GRM7: variants seen among roughly 807,000 people sequenced by gnomAD.
GRM7 encodes metabotropic glutamate receptor 7.
Under a neutral mutation model 84.5 loss-of-function variants are expected in GRM7, and 35 were observed. The ratio of observed to expected loss-of-function variants is 0.41; its 90% CI spans 0.32 to 0.55. The LOEUF is 0.55. GRM7 is among the 20% of genes least tolerant of loss of function. The pLI, the probability that GRM7 is intolerant of heterozygous loss-of-function variation, is 0.19. For missense variants in GRM7, 1,003 were observed against 1,194.6 expected (o/e 0.84, Z 2.36); for synonymous variants, 487 against 455.1 (o/e 1.07, Z -0.89).
chr3:7,269,425 A>G (rs1235787205), intron 2 of GRM7, among the ~76,000 whole-genome samples: 1 of 120,814 alleles, frequency 8.3e-6, no homozygotes, highest in African/African-American at 3.2e-5. Flanking sequence ...GGAGAGGTTT[A>G]AAATATTCTG....
At position 7,325,651 on chromosome 3, in the gene GRM7, A is replaced by G. The variant is rs568749374; in HGVS notation, c.1033+18999A>G. On this transcript the variant is annotated intron_variant, in intron 4 of 9. Transcript: ENST00000357716. ...GAGTACCAAACTGTCCAGCACAACC[A>G]GTGCCACATAAATCTAAATGGTGTT... 5.1e-4 allele frequency among the ~76,000 whole-genome samples: 78 copies of G among 152,336 alleles called. 2 individuals carry two copies. The South Asian group carries it at 0.015, about 30-fold the overall frequency.
intron 1 of GRM7, among the ~76,000 whole-genome samples, chr3:6,986,605 TC>T (rs1187816085): frequency 6.6e-6 from 1 of 152,218 alleles, no homozygotes; most frequent in Admixed American, 6.5e-5. Context: ...GTGATGATTT[TC>T]TAAGCTCTCT....
intron 7 of GRM7, among the ~76,000 whole-genome samples, chr3:7,478,140 A>AT (rs1164062132): frequency 6.6e-6 from 1 of 151,800 alleles, no homozygotes; most frequent in African/African-American, 2.4e-5. Context: ...CCTTATAGGG[A>AT]TTTTTCTTTC....
At chr3:7,685,809 A>G (rs1381781593) in intron 9 of GRM7, among the ~76,000 whole-genome samples, 1 of 151,998 alleles carries the variant, frequency 6.6e-6, no homozygotes, top group Admixed American at 6.6e-5. Context: ...AAAGAAAGAA[A>G]AAGAATTCAG....
At chr3:7,242,233 TTA>T (rs1170754366) in intron 2 of GRM7, among the ~76,000 whole-genome samples, 1 of 152,182 alleles carries the variant, frequency 6.6e-6, no homozygotes, top group African/African-American at 2.4e-5. Context: ...TACATGCTGT[TTA>T]CTTCCCAGGG....
At chr3:7,539,830 T>C (rs1692772136) in intron 7 of GRM7, among the ~76,000 whole-genome samples, 1 of 152,194 alleles carries the variant, frequency 6.6e-6, no homozygotes, top group African/African-American at 2.4e-5. Context: ...TGGCACTGAA[T>C]TGAATTTCAA....
intron 4 of GRM7, among the ~76,000 whole-genome samples, chr3:7,335,317 G>C (rs1701374093): frequency 6.6e-6 from 1 of 151,804 alleles, no homozygotes; most frequent in East Asian, 1.9e-4. Context: ...ATGATCTTTG[G>C]GTCAACAAAG....
At chr3:7,459,102 C>T (rs1011978185) in intron 6 of GRM7, among the ~76,000 whole-genome samples, 5 of 151,978 alleles carry the variant, frequency 3.3e-5, no homozygotes, top group Admixed American at 6.6e-5. Flanking sequence ...AAAGTGGGTG[C>T]CTTTGTGGTC....
intron 7 of GRM7, among the ~76,000 whole-genome samples, chr3:7,504,693 A>T (rs770942870): frequency 1.1e-4 from 16 of 152,234 alleles, no homozygotes; most frequent in Non-Finnish European, 2.1e-4. Flanking sequence ...TGATAGCAAC[A>T]TTAATCCATT....
At chr3:7,051,745 A>T (rs960517112) in intron 1 of GRM7, among the ~76,000 whole-genome samples, 1 of 151,734 alleles carries the variant, frequency 6.6e-6, no homozygotes, top group African/African-American at 2.4e-5. Context: ...TAAAGTGCAA[A>T]AGATGTCTTG....
intron 1 of GRM7, among the ~76,000 whole-genome samples, chr3:6,887,003 A>G (rs1429426318): frequency 1.3e-5 from 2 of 152,024 alleles, no homozygotes; most frequent in Non-Finnish European, 2.9e-5. Context: ...CAAAATGTCT[A>G]TCATTCTACC....
At chr3:7,393,974 C>T (rs1383777925) in intron 4 of GRM7, among the ~76,000 whole-genome samples, 1 of 152,148 alleles carries the variant, frequency 6.6e-6, no homozygotes, top group Non-Finnish European at 1.5e-5. Flanking sequence ...ACCTTAGGCA[C>T]TCTGTATGTA....
chr3:7,677,044 G>T (rs937463236), intron 8 of GRM7, among the ~76,000 whole-genome samples: 1 of 151,838 alleles, frequency 6.6e-6, no homozygotes, highest in Admixed American at 6.6e-5. Context: ...GGAGGATCAC[G>T]AGGTCAGGAG....
At chr3:7,550,577 C>CTGTGTGTG (rs369817211) in intron 7 of GRM7, among the ~76,000 whole-genome samples, 18 of 53,028 alleles carry the variant, frequency 3.4e-4, no homozygotes, top group South Asian at 2.6e-3. Flanking sequence ...CTCTCTCTCT[C>CTGTGTGTG]TGTGTGTGTG....
intron 7 of GRM7, among the ~76,000 whole-genome samples, chr3:7,546,498 A>C (rs1424836251): frequency 6.6e-6 from 1 of 152,246 alleles, no homozygotes; most frequent in East Asian, 1.9e-4. Flanking sequence ...AACTTGCCGT[A>C]GGAGAAGCAG....
At chr3:7,586,692 C>T (rs1293649763) in intron 8 of GRM7, among the ~76,000 whole-genome samples, 1 of 152,026 alleles carries the variant, frequency 6.6e-6, no homozygotes, top group Non-Finnish European at 1.5e-5. Context: ...TCTGTAAACC[C>T]AGCTACTTGG....
At chr3:6,985,262 A>G (rs1209883241) in intron 1 of GRM7, among the ~76,000 whole-genome samples, 2 of 152,230 alleles carry the variant, frequency 1.3e-5, no homozygotes, top group African/African-American at 2.4e-5. Flanking sequence ...CAATTAAGTT[A>G]TTGATTGTAG....
chr3:6,935,529 C>T (rs1046687917), intron 1 of GRM7, among the ~76,000 whole-genome samples: 5 of 151,818 alleles, frequency 3.3e-5, no homozygotes, highest in Non-Finnish European at 7.4e-5. Context: ...GGTCTAAATT[C>T]ACCCTTTTTA....
intron 2 of GRM7, among the ~76,000 whole-genome samples, chr3:7,260,524 G>C (rs1298207384): frequency 6.6e-6 from 1 of 152,140 alleles, no homozygotes; most frequent in Non-Finnish European, 1.5e-5. Context: ...ATGGCTATTT[G>C]TATTTCTGGG....
Sources: gnomAD v4.1 joint callset for allele counts (sites outside exome capture counted in the v4.1 genomes callset) on GRCh38, gnomAD v4.1.1 for gene constraint, MANE v1.5 for transcripts, NCBI Gene and HGNC (gene_info 2026-07-23, HGNC 2026-07-21) for gene names.